The following TRMT9B variants were observed in gnomAD, a reference collection of about 807,000 sequenced individuals.
TRMT9B encodes tRNA methyltransferase 9B (putative).
TRMT9B carries 16 observed loss-of-function variants against 11.5 expected under a neutral mutation model. The observed-to-expected ratio is 1.39, with a 90% CI of 0.94 to 2.11. The LOEUF is 2.11. Ranked by LOEUF, TRMT9B falls within the 30% of genes most tolerant of loss-of-function variation. The pLI, the probability that TRMT9B is intolerant of heterozygous loss-of-function variation, is 0.00. For missense variants in TRMT9B, 941 were observed against 553.8 expected, an observed-to-expected ratio of 1.70 and a Z score of -7.02; for synonymous variants, 274 against 192.4, an observed-to-expected ratio of 1.42 and a Z score of -3.51.
At chr8:12,957,961 C>T (rs1268291449) in intron 1 of TRMT9B, among the ~76,000 whole-genome samples, 2 of 152,162 alleles carry the variant, frequency 1.3e-5, no homozygotes, top group African/African-American at 4.8e-5. Context: ...CTCCTCCTCA[C>T]AGTACCTTTT....
At chr8:12,978,393 A>T (rs1224795572) in intron 1 of TRMT9B, among the ~76,000 whole-genome samples, 1 of 152,120 alleles carries the variant, frequency 6.6e-6, no homozygotes, top group Non-Finnish European at 1.5e-5. Flanking sequence ...ATATTTTCCA[A>T]CTTTCTCTAA....
At chr8:12,994,763 C>A (rs1808035363) in intron 2 of TRMT9B, among the ~76,000 whole-genome samples, 2 of 152,184 alleles carry the variant, frequency 1.3e-5, no homozygotes, top group African/African-American at 4.8e-5. Context: ...CTCACTGCAA[C>A]CTCCGCCTTT....
At position 12,990,745 on chromosome 8, in the gene TRMT9B, G is replaced by C. The variant is rs775606876; in HGVS notation, c.-199-89G>C. 1.3e-5 allele frequency: 9 copies of C among 718,640 alleles called. No homozygotes were observed. In the African/African-American group the frequency reaches 1.3e-4, roughly 10 times the overall value. The allele number at this position is 718,640 out of a possible 1,614,324, so 44.5% of individuals were successfully genotyped here. A position where few individuals can be genotyped will look rare whatever the true frequency, so the allele number is the denominator to read the frequency against. On this transcript the variant is annotated intron_variant, in intron 1 of 4. Coordinates refer to ENST00000524591, the MANE Select transcript of TRMT9B (RefSeq NM_020844.3). Reference sequence around the variant, plus strand: ...ATCCCTACTTGGCTGGGTAATTTATGCATAGGTCAGGAAGTCAGCCTGGGC... The same window carrying C: ...ATCCCTACTTGGCTGGGTAATTTATCCATAGGTCAGGAAGTCAGCCTGGGC...
chr8:13,013,381 G>T (rs369301966), intron 4 of TRMT9B, among the ~76,000 whole-genome samples: 9 of 152,224 alleles, frequency 5.9e-5, no homozygotes, highest in African/African-American at 2.2e-4. Flanking sequence ...ATGCCACTCT[G>T]CTCATTTGCT....
chr8:12,971,897 A>G lies in TRMT9B; in HGVS notation c.-199-18937A>G, dbSNP rs146553705. 1.1e-3 allele frequency among the ~76,000 whole-genome samples: 172 copies of G among 152,254 alleles called. 3 individuals are homozygous for G. In the East Asian group the frequency reaches 0.027, roughly 24 times the overall value. On this transcript the variant is annotated intron_variant, in intron 1 of 4. Transcript: ENST00000524591. Reference sequence around the variant, plus strand: ...GGGCCAGGCCATGTTTAGAATGCAGAACATAGCATCAGTGAACCAAAAAAA... The same window carrying G: ...GGGCCAGGCCATGTTTAGAATGCAGGACATAGCATCAGTGAACCAAAAAAA...
intron 2 of TRMT9B, among the ~76,000 whole-genome samples, chr8:12,997,411 C>G (rs1397322236): frequency 1.3e-5 from 2 of 152,142 alleles, no homozygotes; most frequent in South Asian, 4.1e-4. Flanking sequence ...TGAGGCCTCA[C>G]CAGGATCCAA....
At chr8:13,005,050 C>T (rs1441945468) in intron 2 of TRMT9B, among the ~76,000 whole-genome samples, 1 of 149,628 alleles carries the variant, frequency 6.7e-6, no homozygotes, top group East Asian at 2.0e-4. Context: ...CATGCCACTG[C>T]ACTCCAGCCT....
intron 2 of TRMT9B, among the ~76,000 whole-genome samples, chr8:13,004,685 G>T (rs1810093786): frequency 1.3e-5 from 2 of 152,150 alleles, no homozygotes; most frequent in Non-Finnish European, 1.5e-5. Context: ...ATACGCTGTG[G>T]GCCTTGGGTG....
chr8:12,961,793 A>C (rs2466267), intron 1 of TRMT9B: 5 of 151,886 alleles, frequency 3.3e-5, no homozygotes, highest in Non-Finnish European at 5.9e-5. Context: ...TCCAAGTCAA[A>C]AGAATTAACA....
At chr8:13,007,353 C>T (rs1810672775) in intron 3 of TRMT9B, 1 of 152,170 alleles carries the variant, frequency 6.6e-6, no homozygotes, top group Non-Finnish European at 1.5e-5. Flanking sequence ...TAAACCACAG[C>T]TTAGTAGATC....
intron 2 of TRMT9B, among the ~76,000 whole-genome samples, chr8:13,000,938 C>A (rs191312410): frequency 6.6e-6 from 1 of 152,098 alleles, no homozygotes; most frequent in Non-Finnish European, 1.5e-5. Flanking sequence ...AAGGCTGGTA[C>A]TGTAAAATGA....
intron 1 of TRMT9B, among the ~76,000 whole-genome samples, chr8:12,953,124 T>A (rs1315043916): frequency 6.6e-6 from 1 of 152,230 alleles, no homozygotes; most frequent in Admixed American, 6.5e-5. Context: ...GCTGTAAACG[T>A]CTACTTGCAG....
At chr8:12,972,185 G>A (rs1218749598) in intron 1 of TRMT9B, among the ~76,000 whole-genome samples, 1 of 152,166 alleles carries the variant, frequency 6.6e-6, no homozygotes, top group South Asian at 2.1e-4. Context: ...AAGAACAACA[G>A]CAGGAAGCAG....
chr8:13,012,443 C>G, intron 3 of TRMT9B: 4 of 464,088 alleles, frequency 8.6e-6, no homozygotes, highest in Non-Finnish European at 1.3e-5. Flanking sequence ...GTCATGGTGG[C>G]ACGCGCCTAT....
Position 13,012,741 on chromosome 8 carries a change from A to C in TRMT9B, c.212A>C (p.Asp71Ala). The change falls in exon 4 of 5, where the codon GAC becomes GCC. Residue 71 changes from aspartate to alanine, a missense_variant. By Grantham distance (126) the Asp-to-Ala change is moderately radical. Transcript: ENST00000524591. ...AGCCAGGTACATACCGTGGGCTGTG[A>C]CTACTGTGGGCCACTGGTAGAGATT... ...VNSQVHTVGC[D>A]YCGPLVEIAR... The C allele has an allele frequency of 3.1e-6, 5 of 1,613,986 alleles. No individual in the cohort carries two copies. Among genetic ancestry groups the C allele is most frequent in the Non-Finnish European group, 3.4e-6 (4 of 1,179,872 alleles).
At chr8:12,956,407 C>G (rs1008593572) in intron 1 of TRMT9B, among the ~76,000 whole-genome samples, 71 of 152,234 alleles carry the variant, frequency 4.7e-4, no homozygotes, top group Middle Eastern at 3.4e-3. Flanking sequence ...CGTTTTGCAG[C>G]TGAAATTGCT....
chr8:12,966,160 TCTCTACAGAAA>T (rs1802792970), intron 1 of TRMT9B, among the ~76,000 whole-genome samples: 1 of 146,494 alleles, frequency 6.8e-6, no homozygotes, highest in African/African-American at 2.5e-5. Context: ...ACCCCCCCCA[TCTCTACAGAAA>T]GTGAAAAAAA....
intron 1 of TRMT9B, among the ~76,000 whole-genome samples, chr8:12,979,685 G>A (rs1421619520): frequency 6.6e-6 from 1 of 152,044 alleles, no homozygotes; most frequent in Non-Finnish European, 1.5e-5. Context: ...GTACACCATT[G>A]GTTGTCAGAG....
intron 1 of TRMT9B, among the ~76,000 whole-genome samples, chr8:12,950,537 TTTTCTTTC>T (rs59371113): frequency 6.7e-5 from 10 of 149,478 alleles, no homozygotes; most frequent in East Asian, 3.9e-4. Context: ...ACTCGTGGTT[TTTTCTTTC>T]TTTCTTTCTT....
Sources: allele counts gnomAD v4.1 joint callset (sites outside exome capture counted in the v4.1 genomes callset), GRCh38; gene constraint gnomAD v4.1.1; transcripts MANE v1.5; gene names NCBI Gene and HGNC (gene_info 2026-07-23, HGNC 2026-07-21).